Variants in SLC22A8 observed in about 807,000 individuals in gnomAD.
SLC22A8 encodes solute carrier family 22 member 8.
SLC22A8 carries 40 observed loss-of-function variants against 48.4 expected under a neutral mutation model. The observed-to-expected ratio is 0.83, with a 90% CI of 0.64 to 1.08. SLC22A8 has a LOEUF of 1.08. Among genes scored for constraint, SLC22A8 ranks in the 50% least tolerant of loss-of-function variants. The pLI, the probability that SLC22A8 is intolerant of heterozygous loss-of-function variation, is 0.00. For missense variants in SLC22A8, 606 were observed against 699.0 expected (o/e 0.87, Z 1.50); for synonymous variants, 268 against 286.3 (o/e 0.94, Z 0.65).
At chr11:63,006,534 T>G (rs2086556190) in intron 2 of SLC22A8, among the ~76,000 whole-genome samples, 1 of 151,820 alleles carries the variant, frequency 6.6e-6, no homozygotes, top group Non-Finnish European at 1.5e-5. Flanking sequence ...TAACTGCTTA[T>G]TCACTTGTTT....
intron 2 of SLC22A8, among the ~76,000 whole-genome samples, chr11:63,006,227 T>G (rs944354756): frequency 2.0e-5 from 3 of 152,198 alleles, no homozygotes; most frequent in African/African-American, 7.2e-5. Flanking sequence ...TGCAAGTCCT[T>G]GGATTCCATC....
At chr11:63,001,494 C>T (rs1423857858) in intron 2 of SLC22A8, among the ~76,000 whole-genome samples, 3 of 152,184 alleles carry the variant, frequency 2.0e-5, no homozygotes, top group Admixed American at 6.5e-5. Context: ...ATTTTTACGG[C>T]GCACAATGGA....
chr11:63,002,470 G>A lies in SLC22A8; in HGVS notation c.334-1647C>T, dbSNP rs540263931. ...CATGCTGTGAAACAGATCTCAAAAC[G>A]TATTCCACCCATCTAGCTGAAACTT... On this transcript the variant is annotated intron_variant, in intron 2 of 10. Coordinates refer to ENST00000336232, the MANE Select transcript of SLC22A8 (RefSeq NM_004254.4). Among the ~76,000 whole-genome samples the A allele has an allele frequency of 8.5e-5, 13 of 152,116 alleles. No homozygotes were observed. The East Asian group carries it at 1.2e-3, about 14-fold the overall frequency.
chr11:63,004,492 G>C (rs1210675273), intron 2 of SLC22A8, among the ~76,000 whole-genome samples: 2 of 152,056 alleles, frequency 1.3e-5, no homozygotes, highest in Non-Finnish European at 2.9e-5. Flanking sequence ...TCTTTTTCTA[G>C]AATGTTCTCC....
chr11:63,000,809 G>A lies in SLC22A8; in HGVS notation c.348C>T (p.Cys116=). The A allele has an allele frequency of 6.2e-7, 1 of 1,613,176 alleles. No homozygotes were observed. Among genetic ancestry groups the A allele is most frequent in the Non-Finnish European group, 8.5e-7 (1 of 1,179,156 alleles). Residue 116 remains cysteine (C), a synonymous_variant, in exon 3 of 11, where the codon TGC becomes TGT. Coordinates refer to ENST00000336232, the MANE Select transcript of SLC22A8 (RefSeq NM_004254.4). ...DSIVTEWDLV[C]NSNKLKEMAQ... is the part of the protein sequence containing the mutation. ...CCATCTCCTTCAGTTTGTTGGAGTT[G>A]CACACCAAGTCCCACTGCACAAGAG...
At chr11:62,994,093 T>G (rs1293143424) in intron 8 of SLC22A8, 1 of 586,574 alleles carries the variant, frequency 1.7e-6, no homozygotes, top group Non-Finnish European at 3.0e-6. Flanking sequence ...GTTGTATATG[T>G]TCTTGTTCTT....
intron 6 of SLC22A8, 95 bp from the exon 7 acceptor site, chr11:62,995,914 C>G (rs2086412981): frequency 6.5e-7 from 1 of 1,540,060 alleles, no homozygotes; most frequent in Non-Finnish European, 9.0e-7. Flanking sequence ...TAGAGGAGCT[C>G]AGGGAATCAG....
Position 63,014,723 on chromosome 11 carries a change from G to T in SLC22A8, c.236C>A (p.Pro79Gln), listed in dbSNP as rs554839332. 3.1e-6 allele frequency: 5 copies of T among 1,613,992 alleles called. No individual in the cohort carries two copies. The highest frequency in any genetic ancestry group is 1.1e-5 in the South Asian group (1 of 91,072). ...KPERCLRFVH[P>Q]PNASLPNDTQ... ...GTCATTGGGCAGGCTGGCATTGGGC[G>T]GATGTACAAAACGGAGGCACCTCTC... is the stretch of plus-strand genomic sequence containing the variant. Residue 79 changes from proline (P) to glutamine (Q), a missense_variant, in exon 2 of 11, where the codon CCG becomes CAG. Transcript: ENST00000336232.
chr11:63,006,068 T>C (rs1398964426), intron 2 of SLC22A8, among the ~76,000 whole-genome samples: 1 of 152,068 alleles, frequency 6.6e-6, no homozygotes, highest in African/African-American at 2.4e-5. Flanking sequence ...GAGGAAGGTA[T>C]TTAGAGAGAA....
intron 2 of SLC22A8, among the ~76,000 whole-genome samples, chr11:63,010,906 C>A (rs1590701272): frequency 6.6e-6 from 1 of 152,182 alleles, no homozygotes; most frequent in Non-Finnish European, 1.5e-5. Flanking sequence ...AAGCCACTTC[C>A]CAGCAGTGAG....
intron 3 of SLC22A8, 94 bp downstream of exon 3, chr11:63,000,626 C>T: frequency 1.2e-6 from 1 of 853,764 alleles, no homozygotes; most frequent in South Asian, 1.5e-5. Flanking sequence ...CCTCCCCCAG[C>T]TCTTTGCCTC....
At position 62,994,596 on chromosome 11, in the gene SLC22A8, C is replaced by T. The variant is rs755584994; in HGVS notation, c.1162G>A (p.Ala388Thr). Residue 388 changes from alanine (A) to threonine (T), a missense_variant, in exon 8 of 11, where the codon GCT (alanine) becomes ACT (threonine). By Grantham distance (58) the Ala-to-Thr change is moderately conservative. Coordinates refer to ENST00000336232, the MANE Select transcript of SLC22A8 (RefSeq NM_004254.4). ...GCCCCTCCTGCCAGGAGCAGGGCAG[C>T]GGCCTGAGTGGTATGCCGGCCCAGG... ...SYLGRHTTQAAALLLAGGAIL... is the reference protein window; with the variant it reads ...SYLGRHTTQATALLLAGGAIL... 24 of 1,613,664 alleles carry T rather than the reference C, an allele frequency of 1.5e-5. No individual in the cohort carries two copies. The highest frequency in any genetic ancestry group is 3.3e-5 in the Admixed American group (2 of 59,932).
In SLC22A8 at chr11:62,994,694, A is replaced by G. The variant is rs2086393567; in HGVS notation, c.1064T>C (p.Leu355Pro). The G allele has an allele frequency of 6.2e-7, 1 of 1,614,110 alleles. No homozygotes were observed. Among genetic ancestry groups the G allele is most frequent in the Non-Finnish European group, 8.5e-7 (1 of 1,180,040 alleles). Residue 355 changes from leucine (L) to proline (P), a missense_variant, in exon 8 of 11, where the codon CTC becomes CCC. Physicochemically the swap from Leu to Pro is moderately conservative, Grantham distance 98. Coordinates refer to ENST00000336232, the MANE Select transcript of SLC22A8 (RefSeq NM_004254.4). ...ACCAAAGATGATCTGGAGGATGTAGAGGTTGACTCCAAATTCTTCCACACC... is the reference window on the plus strand; with the variant it reads ...ACCAAAGATGATCTGGAGGATGTAGGGGTTGACTCCAAATTCTTCCACACC... ...AMGVEEFGVN[L>P]YILQIIFGGV...
chr11:62,998,148 C>T (rs1223498574), intron 5 of SLC22A8, among the ~76,000 whole-genome samples: 1 of 152,142 alleles, frequency 6.6e-6, no homozygotes, highest in African/African-American at 2.4e-5. Flanking sequence ...GATGGGGTTT[C>T]ACCATGTTGG....
At chr11:62,995,040 C>T (rs1359807719) in intron 7 of SLC22A8, 8 of 482,626 alleles carry the variant, frequency 1.7e-5, no homozygotes, top group Middle Eastern at 5.8e-4. Flanking sequence ...GAGGGAATCT[C>T]GGAGACCAAA....
intron 3 of SLC22A8, 57 bp downstream of exon 3, chr11:63,000,663 T>C (rs909862347): frequency 8.0e-7 from 1 of 1,256,558 alleles, no homozygotes; most frequent in Non-Finnish European, 1.2e-6. Flanking sequence ...TGGAGCAGAG[T>C]AGGGAAGGGT....
chr11:62,998,571 C>T (rs1307488285), intron 5 of SLC22A8, among the ~76,000 whole-genome samples: 1 of 152,184 alleles, frequency 6.6e-6, no homozygotes, highest in Non-Finnish European at 1.5e-5. Flanking sequence ...CAAATGGAAA[C>T]TTGATCAGGC....
chr11:63,013,177 G>A (rs989708799), intron 2 of SLC22A8, among the ~76,000 whole-genome samples: 2 of 152,094 alleles, frequency 1.3e-5, no homozygotes, highest in African/African-American at 4.8e-5. Context: ...CTACCACATA[G>A]TAAGCACTTT....
At chr11:63,015,166 T>C (rs2086660735) in intron 1 of SLC22A8, among the ~76,000 whole-genome samples, 183 bp from the exon 2 acceptor site, 1 of 152,126 alleles carries the variant, frequency 6.6e-6, no homozygotes, top group Non-Finnish European at 1.5e-5. Context: ...CTTGTGTGGA[T>C]GTCTGAGGAA....
Sources: gnomAD v4.1 joint callset for allele counts (sites outside exome capture counted in the v4.1 genomes callset) on GRCh38, gnomAD v4.1.1 for gene constraint, MANE v1.5 for transcripts, NCBI Gene and HGNC (gene_info 2026-07-23, HGNC 2026-07-21) for gene names.